Variants in FAM13A observed in about 807,000 individuals in gnomAD.
FAM13A encodes the protein family with sequence similarity 13 member A, also known as protein FAM13A.
Under a neutral mutation model 129.6 loss-of-function variants are expected in FAM13A, and 76 were observed. That is an observed-to-expected ratio of 0.59 (90% CI 0.49 to 0.71). FAM13A has a LOEUF of 0.71. Among genes scored for constraint, FAM13A ranks in the 30% least tolerant of loss-of-function variants. The pLI, the probability that FAM13A is intolerant of heterozygous loss-of-function variation, is 0.00. For synonymous variants in FAM13A, 443 were observed against 449.9 expected (o/e 0.98, Z 0.20); for missense variants, 1,108 against 1,249.3 (o/e 0.89, Z 1.70).
chr4:89,034,460 T>G (rs1319315124), intron 1 of FAM13A, among the ~76,000 whole-genome samples: 1 of 152,240 alleles, frequency 6.6e-6, no homozygotes, highest in East Asian at 1.9e-4. Context: ...AGGGTACATT[T>G]ATATGCTGTT....
chr4:88,750,559 C>T lies in FAM13A; in HGVS notation c.1805G>A (p.Arg602His), dbSNP rs1206251658. ...DEAHLSPQAG[R>H]LIRQLLDEDS... ...TTCGTCCAGCAGCTGACGGATCAGGCGCCCAGCCTGCGGCGAGAGGTGGGC... is the reference window on the plus strand; with the variant it reads ...TTCGTCCAGCAGCTGACGGATCAGGTGCCCAGCCTGCGGCGAGAGGTGGGC... Residue 602 changes from arginine (R) to histidine (H), a missense_variant, in exon 15 of 24, where the codon CGC (arginine) becomes CAC (histidine). Physicochemically the swap from Arg to His is conservative, Grantham distance 29 (BLOSUM62 0). Coordinates refer to ENST00000264344, the MANE Select transcript of FAM13A (RefSeq NM_014883.4). 1.1e-5 allele frequency: 18 copies of T among 1,614,040 alleles called. No individual in the cohort carries two copies. The highest frequency in any genetic ancestry group is 1.4e-5 in the Non-Finnish European group (16 of 1,180,036).
At chr4:88,913,998 G>A (rs527940712) in intron 5 of FAM13A, among the ~76,000 whole-genome samples, 25 of 141,308 alleles carry the variant, frequency 1.8e-4, no homozygotes, top group South Asian at 2.2e-4. Context: ...GTGAGACTCC[G>A]TCTCAAAAAA....
rs1233379379 is a variant in FAM13A, at chr4:88,938,220, G to A, written c.627C>T (p.Gly209=). ...NCFHVPPGLE[G]MKEQDLCNKI... ...TGTTGCACAGGTCCTGTTCCTTCAT[G>A]CCTTCAAGCCCAGGTGGCACACTAG... is the stretch of plus-strand genomic sequence containing the variant. Residue 209 remains glycine (G), a synonymous_variant, in exon 5 of 24, where the codon GGC becomes GGT. Transcript: ENST00000264344. 6.2e-7 allele frequency: 1 copy of A among 1,609,308 alleles called. No individual in the cohort carries two copies. The highest frequency in any genetic ancestry group is 2.2e-5 in the East Asian group (1 of 44,838).
At chr4:88,823,101 G>A (rs1185815768) in intron 7 of FAM13A, 6 of 1,586,590 alleles carry the variant, frequency 3.8e-6, no homozygotes, top group African/African-American at 2.7e-5. Context: ...TGGCTAAGCT[G>A]GGTTGGGGGC....
At chr4:88,771,978 C>T (rs1720765476) in intron 11 of FAM13A, among the ~76,000 whole-genome samples, 2 of 152,296 alleles carry the variant, frequency 1.3e-5, no homozygotes, top group African/African-American at 2.4e-5. Context: ...ATTTTTCTTT[C>T]TCCCTCTCCG....
intron 1 of FAM13A, among the ~76,000 whole-genome samples, chr4:89,033,070 G>A (rs191960332): frequency 6.0e-4 from 92 of 152,158 alleles, no homozygotes; most frequent in African/African-American, 2.2e-3. Flanking sequence ...TAACTTTCCA[G>A]TAAAGTTTCT....
chr4:88,834,068 T>TA (rs1445686649), intron 7 of FAM13A, among the ~76,000 whole-genome samples: 1 of 146,612 alleles, frequency 6.8e-6, no homozygotes, highest in Non-Finnish European at 1.5e-5. Context: ...TTTTTTTTTT[T>TA]TTTTTTTTTT....
Position 88,732,056 on chromosome 4 carries a change from A to G in FAM13A, c.2789T>C (p.Ile930Thr), listed in dbSNP as rs1737944351. 1 of 1,613,906 alleles carries G rather than the reference A, an allele frequency of 6.2e-7. No individual in the cohort carries two copies. The highest frequency in any genetic ancestry group is 1.3e-5 in the African/African-American group (1 of 74,928). The stretch of plus-strand genomic sequence containing the variant: ...TGTGTCCTGGCTGCATTTTGATGGT[A>G]TTTTATCATCCATTGGGGAAATAAA... ...DGFISPMDDKIPSKCSQDTGL... is the reference protein window; with the variant it reads ...DGFISPMDDKTPSKCSQDTGL... The change falls in exon 22 of 24, where the codon ATA (isoleucine) becomes ACA (threonine). Residue 930 changes from isoleucine to threonine, a missense_variant. Transcript: ENST00000264344.
chr4:89,047,645 T>C (rs1012504551), intron 1 of FAM13A, among the ~76,000 whole-genome samples: 4 of 152,160 alleles, frequency 2.6e-5, no homozygotes, highest in African/African-American at 7.2e-5. Context: ...AACCCCTCCA[T>C]GCCCTAGGCT....
At chr4:89,048,949 G>C (rs1354685195) in intron 1 of FAM13A, among the ~76,000 whole-genome samples, 1 of 152,126 alleles carries the variant, frequency 6.6e-6, no homozygotes, top group Non-Finnish European at 1.5e-5. Context: ...CAAAGACAAA[G>C]AAGATTTAAA....
chr4:88,844,414 A>G (rs1736312754), intron 7 of FAM13A, among the ~76,000 whole-genome samples: 1 of 152,196 alleles, frequency 6.6e-6, no homozygotes, highest in African/African-American at 2.4e-5. Flanking sequence ...TTTCAGAATC[A>G]TGGGTTCTTC....
At chr4:88,963,729 T>G (rs1469912337) in intron 4 of FAM13A, among the ~76,000 whole-genome samples, 1 of 152,246 alleles carries the variant, frequency 6.6e-6, no homozygotes, top group African/African-American at 2.4e-5. Context: ...AATAGCTCCT[T>G]GTTTATATAT....
chr4:89,023,256 C>A (rs1332395323), intron 2 of FAM13A, among the ~76,000 whole-genome samples: 1 of 152,134 alleles, frequency 6.6e-6, no homozygotes, highest in Non-Finnish European at 1.5e-5. Flanking sequence ...AGAAACTTAT[C>A]CAACAATCAA....
chr4:88,767,900 G>T (rs761275810), intron 12 of FAM13A, 83 bp downstream of exon 12: 23 of 849,568 alleles, frequency 2.7e-5, no homozygotes, highest in Non-Finnish European at 4.2e-5. Context: ...ATTCTTTTTA[G>T]TTCTTATAAT....
chr4:88,734,533 A>G (rs1738567737), intron 21 of FAM13A, among the ~76,000 whole-genome samples: 1 of 152,256 alleles, frequency 6.6e-6, no homozygotes, highest in Non-Finnish European at 1.5e-5. Flanking sequence ...GAGAAGCTGG[A>G]TACATCAGTG....
intron 11 of FAM13A, among the ~76,000 whole-genome samples, chr4:88,777,145 T>A (rs568515591): frequency 6.6e-6 from 1 of 152,150 alleles, no homozygotes; most frequent in Non-Finnish European, 1.5e-5. Flanking sequence ...TCTAGGCCAG[T>A]GGAGATGAGC....
chr4:89,047,108 T>C (rs1770957641), intron 1 of FAM13A, among the ~76,000 whole-genome samples: 1 of 152,130 alleles, frequency 6.6e-6, no homozygotes, highest in Admixed American at 6.6e-5. Context: ...GCAGGACTCA[T>C]ATCTTATACA....
At chr4:88,845,136 T>C (rs140119890) in intron 7 of FAM13A, among the ~76,000 whole-genome samples, 40 of 151,902 alleles carry the variant, frequency 2.6e-4, no homozygotes, top group African/African-American at 9.4e-4. Flanking sequence ...TACATTAGGG[T>C]TGAGGATCAC....
chr4:89,038,194 A>G (rs757526817), intron 1 of FAM13A, among the ~76,000 whole-genome samples: 1 of 152,220 alleles, frequency 6.6e-6, no homozygotes, highest in East Asian at 1.9e-4. Flanking sequence ...ATAAAATCCA[A>G]TTTTAGACTA....
Sources: allele counts gnomAD v4.1 joint callset (sites outside exome capture counted in the v4.1 genomes callset), GRCh38; gene constraint gnomAD v4.1.1; transcripts MANE v1.5; gene names NCBI Gene and HGNC (gene_info 2026-07-23, HGNC 2026-07-21).